Variants in HHIP observed in about 807,000 individuals in gnomAD.
HHIP encodes the protein hedgehog-interacting protein.
HHIP carries 12 observed loss-of-function variants against 74.0 expected under a neutral mutation model. The observed-to-expected ratio is 0.16, with a 90% CI of 0.10 to 0.26. The LOEUF (loss-of-function observed/expected upper bound fraction) is 0.26, where lower values mean the gene tolerates loss of function less well. HHIP is among the 10% of genes least tolerant of loss of function. The pLI is 1.00. For missense variants in HHIP, 788 were observed against 845.0 expected (o/e 0.93, Z 0.84); for synonymous variants, 309 against 311.6 (o/e 0.99, Z 0.09).
intron 4 of HHIP, among the ~76,000 whole-genome samples, chr4:144,705,034 A>G (rs1158484942): frequency 6.6e-6 from 1 of 152,170 alleles, no homozygotes; most frequent in Non-Finnish European, 1.5e-5. Flanking sequence ...AATTATGCAT[A>G]TTGTGATGTG....
rs766348727 is a variant in HHIP, at chr4:144,706,700, C to T, written c.983+18C>T. 1.3e-5 allele frequency: 21 copies of T among 1,568,084 alleles called. No homozygotes were observed. Among genetic ancestry groups the T allele is most frequent in the South Asian group, 8.4e-5 (7 of 82,952 alleles). On this transcript the variant is annotated intron_variant, in intron 5 of 12. Coordinates refer to ENST00000296575, the MANE Select transcript of HHIP (RefSeq NM_022475.3). ...GTATCCAGGTATCACTAAAAGGCAT[C>T]GAAGCATAGAAATTTCTCATCTTAT...
chr4:144,687,618 C>G (rs989471742), intron 4 of HHIP, among the ~76,000 whole-genome samples: 6 of 151,960 alleles, frequency 3.9e-5, no homozygotes, highest in African/African-American at 1.5e-4. Flanking sequence ...TGGAGTTGCC[C>G]TAAATTAAGC....
chr4:144,734,347 A>G (rs1030940459), intron 11 of HHIP, among the ~76,000 whole-genome samples: 2 of 152,144 alleles, frequency 1.3e-5, no homozygotes, highest in Admixed American at 6.5e-5. Context: ...ACTATCTCAG[A>G]CACTATTCCT....
At chr4:144,719,956 G>T (rs559198225) in intron 11 of HHIP, among the ~76,000 whole-genome samples, 1 of 152,160 alleles carries the variant, frequency 6.6e-6, no homozygotes, top group South Asian at 2.1e-4. Context: ...CTGAGATTTT[G>T]TCCTTTTTCT....
chr4:144,654,933 T>G (rs953616067), intron 2 of HHIP: 2 of 152,194 alleles, frequency 1.3e-5, no homozygotes, highest in Admixed American at 6.5e-5. Context: ...CCCCGAGGGA[T>G]GTATTTTGCT....
At chr4:144,673,679 T>C (rs944887520) in intron 4 of HHIP, among the ~76,000 whole-genome samples, 7 of 152,206 alleles carry the variant, frequency 4.6e-5, no homozygotes, top group African/African-American at 9.6e-5. Flanking sequence ...TATAAAAACA[T>C]AGACCTCTAA....
At chr4:144,712,466 T>C (rs944580211) in intron 8 of HHIP, among the ~76,000 whole-genome samples, 3 of 152,172 alleles carry the variant, frequency 2.0e-5, no homozygotes, top group African/African-American at 7.2e-5. Context: ...ATATCCAACA[T>C]GCCTGTCTCA....
chr4:144,686,666 C>G (rs947020255), intron 4 of HHIP, among the ~76,000 whole-genome samples: 1 of 152,144 alleles, frequency 6.6e-6, no homozygotes, highest in Non-Finnish European at 1.5e-5. Flanking sequence ...CTAAAAACAA[C>G]TTAGACTTTT....
At chr4:144,647,417 T>G (rs1560690577) in intron 1 of HHIP, among the ~76,000 whole-genome samples, 1 of 152,200 alleles carries the variant, frequency 6.6e-6, no homozygotes, top group Non-Finnish European at 1.5e-5. Flanking sequence ...GAAGCATGGT[T>G]GGTTTATGAT....
rs571668249 is a variant in HHIP at position 144,707,663 on chromosome 4, T to G, written c.1157+403T>G. On this transcript the variant is annotated intron_variant, in intron 6 of 12. Transcript: ENST00000296575. ...AACAGAGGCAAAAAAAAAAAAGCAG[T>G]GTACTACTGATGCCACAGTCCTCAG... Among the ~76,000 whole-genome samples, 25 of 10,556 alleles carry G rather than the reference T, an allele frequency of 2.4e-3. 1 individual carries two copies. The highest frequency in any genetic ancestry group is 4.7e-3 in the Non-Finnish European group (18 of 3,850). 6.9% of individuals were successfully genotyped at this position (10,556 alleles called of 152,430 possible).
intron 2 of HHIP, among the ~76,000 whole-genome samples, chr4:144,657,210 G>C (rs1443546862): frequency 6.6e-6 from 1 of 152,126 alleles, no homozygotes; most frequent in Non-Finnish European, 1.5e-5. Context: ...CACATTCTAA[G>C]ATAAGTTTTA....
chr4:144,702,980 G>T (rs1017899884), intron 4 of HHIP, among the ~76,000 whole-genome samples: 1 of 152,174 alleles, frequency 6.6e-6, no homozygotes, highest in African/African-American at 2.4e-5. Context: ...ACTTTGGGAG[G>T]CCGAGGAGGG....
intron 10 of HHIP, among the ~76,000 whole-genome samples, chr4:144,716,121 A>G (rs1010052455): frequency 1.3e-5 from 2 of 152,258 alleles, no homozygotes; most frequent in Non-Finnish European, 2.9e-5. Flanking sequence ...TTTCATAGTG[A>G]CTCCCTTTAA....
rs1006005427 is a variant in HHIP, at chr4:144,707,336, T to C, written c.1157+76T>C. The C allele has an allele frequency of 1.6e-5, 20 of 1,254,344 alleles. No individual in the cohort carries two copies. The Admixed American group carries it at 4.8e-4, about 30-fold the overall frequency. 77.7% of individuals were successfully genotyped at this position (1,254,344 alleles called of 1,614,324 possible). ...TGCCAGAAGAAAAGGTGGGCACCAG[T>C]GAATTAAGAACCATCTTTGAATGGT... is the stretch of plus-strand genomic sequence containing the variant. On this transcript the variant is annotated intron_variant, in intron 6 of 12. Coordinates refer to ENST00000296575, the MANE Select transcript of HHIP (RefSeq NM_022475.3).
At chr4:144,680,738 T>C (rs1729312201) in intron 4 of HHIP, among the ~76,000 whole-genome samples, 1 of 152,204 alleles carries the variant, frequency 6.6e-6, no homozygotes, top group Non-Finnish European at 1.5e-5. Flanking sequence ...TGTTGATGGA[T>C]TACTAATTGT....
chr4:144,660,420 TTGTTTCACAAGAGTGAC>T, intron 4 of HHIP: 1 of 152,762 alleles, frequency 6.5e-6, no homozygotes, highest in South Asian at 2.1e-4. Flanking sequence ...ATTGTCAAGT[TTGTTTCACAAGAGTGAC>T]ACAGTATAAC....
At chr4:144,664,932 G>A (rs1313827535) in intron 4 of HHIP, among the ~76,000 whole-genome samples, 2 of 152,142 alleles carry the variant, frequency 1.3e-5, no homozygotes, top group African/African-American at 2.4e-5. Flanking sequence ...TCATTAAAAA[G>A]TGGTAGAAAT....
At chr4:144,708,083 T>C in intron 6 of HHIP, 85 bp from the exon 7 acceptor site, 1 of 1,408,412 alleles carries the variant, frequency 7.1e-7, no homozygotes, top group South Asian at 1.2e-5. Flanking sequence ...GATTTTTTCA[T>C]CAATAGAGCA....
In HHIP at chr4:144,658,833, A is replaced by G. The variant is rs1241311347; in HGVS notation, c.516A>G (p.Ala172=). 5 of 1,613,702 alleles carry G rather than the reference A, an allele frequency of 3.1e-6. No individual in the cohort carries two copies. In the Admixed American group the frequency reaches 5.0e-5, roughly 16 times the overall value. ...TTADEFCFYY[A]RKDGGLCFPD... ...CGGATGAGTTTTGCTTTTACTATGC[A>G]AGAAAAGATGGTGGGTTGTGCTTTC... Residue 172 remains alanine (A), a synonymous_variant, in exon 3 of 13, where the codon GCA becomes GCG. Coordinates refer to ENST00000296575, the MANE Select transcript of HHIP (RefSeq NM_022475.3).
Sources: allele counts gnomAD v4.1 joint callset (sites outside exome capture counted in the v4.1 genomes callset), GRCh38; gene constraint gnomAD v4.1.1; transcripts MANE v1.5; gene names NCBI Gene and HGNC (gene_info 2026-07-23, HGNC 2026-07-21).